The following ASB4 variants were observed in gnomAD, a reference collection of about 807,000 sequenced individuals.
ASB4 encodes ankyrin repeat and SOCS box containing 4, also known as ankyrin repeat and SOCS box protein 4.
ASB4 carries 35 observed loss-of-function variants against 38.6 expected under a neutral mutation model. That is an observed-to-expected ratio of 0.91 (90% confidence interval 0.69 to 1.20). The LOEUF is 1.20. Ranked by LOEUF, ASB4 falls within the 50% of genes most tolerant of loss-of-function variation. ASB4 has a pLI of 0.00. For missense variants in ASB4, 557 were observed against 527.2 expected (o/e 1.06, Z -0.55); for synonymous variants, 195 against 201.3 (o/e 0.97, Z 0.26).
intron 2 of ASB4, among the ~76,000 whole-genome samples, chr7:95,516,730 G>A (rs984508939): frequency 3.3e-5 from 5 of 152,206 alleles, no homozygotes; most frequent in African/African-American, 1.2e-4. Context: ...TTATAAAGCC[G>A]AGCTGTTTTC....
the ASB4 span, among the ~76,000 whole-genome samples, chr7:95,470,913 C>T: frequency 3.9e-5 from 6 of 152,254 alleles, no homozygotes; most frequent in East Asian, 3.9e-4. Context: ...AATAACTCTC[C>T]GGGTGGTTCC....
chr7:95,496,690 CA>C (rs1219915382), intron 2 of ASB4, among the ~76,000 whole-genome samples: 2 of 151,124 alleles, frequency 1.3e-5, no homozygotes, highest in South Asian at 2.1e-4. Flanking sequence ...CTACAAAAAG[CA>C]AAAAAAATTA....
At chr7:95,534,285 G>A (rs906634527) in intron 3 of ASB4, among the ~76,000 whole-genome samples, 4 of 151,854 alleles carry the variant, frequency 2.6e-5, no homozygotes, top group African/African-American at 9.7e-5. Flanking sequence ...GGAGGTTGCA[G>A]TGAGCTGAGA....
intron 3 of ASB4, among the ~76,000 whole-genome samples, chr7:95,532,819 T>C (rs1460449196): frequency 6.6e-6 from 1 of 152,154 alleles, no homozygotes; most frequent in Non-Finnish European, 1.5e-5. Flanking sequence ...AATAACTTTT[T>C]TGTCTAATTG....
At chr7:95,496,905 T>C (rs1218486906) in intron 2 of ASB4, among the ~76,000 whole-genome samples, 1 of 151,806 alleles carries the variant, frequency 6.6e-6, no homozygotes, top group African/African-American at 2.4e-5. Context: ...AGACAGCCAT[T>C]AAAAAAGAAC....
intron 3 of ASB4, 46 bp downstream of exon 3, chr7:95,528,349 G>T (rs1404905245): frequency 4.3e-6 from 7 of 1,610,538 alleles, no homozygotes; most frequent in Non-Finnish European, 5.9e-6. Context: ...GATTCAAATG[G>T]CAGCCTTGTC....
intron 2 of ASB4, among the ~76,000 whole-genome samples, chr7:95,518,632 G>A (rs1260129828): frequency 6.6e-6 from 1 of 152,312 alleles, no homozygotes; most frequent in African/African-American, 2.4e-5. Context: ...TAGATACCTA[G>A]ATAAGGGTAA....
rs1447166006 is a variant in ASB4, at chr7:95,538,929, T to G, written c.*1170T>G. 6.6e-6 allele frequency: 1 copy of G among 152,196 alleles called. No individual in the cohort carries two copies. The highest frequency in any genetic ancestry group is 2.4e-5 in the African/African-American group (1 of 41,446). The allele number at this position is 152,196 out of a possible 1,614,324, so 9.4% of individuals were successfully genotyped here. On this transcript the variant is annotated 3_prime_UTR_variant, in exon 5 of 5. Coordinates refer to ENST00000325885, the MANE Select transcript of ASB4 (RefSeq NM_016116.3). Reference sequence around the variant, plus strand: ...GGCTACGAAAAGTAAATAGAGAGACTTTTTGAAAATGGTAAAAGTTTGAGA... The same window carrying G: ...GGCTACGAAAAGTAAATAGAGAGACGTTTTGAAAATGGTAAAAGTTTGAGA...
chr7:95,509,333 C>T (rs1473184940), intron 2 of ASB4, among the ~76,000 whole-genome samples: 1 of 151,998 alleles, frequency 6.6e-6, no homozygotes, highest in Non-Finnish European at 1.5e-5. Context: ...AGCTATATAC[C>T]ACAGGCCAGA....
At chr7:95,542,409 GGTT>G (rs1790982808), downstream of ASB4, 1 of 151,946 alleles carries the variant, frequency 6.6e-6, no homozygotes, top group Non-Finnish European at 1.5e-5. Context: ...CCCCAAAAGT[GGTT>G]TTTTTTTTTG....
intron 2 of ASB4, among the ~76,000 whole-genome samples, chr7:95,523,384 G>A (rs1790689552): frequency 6.6e-6 from 1 of 152,086 alleles, no homozygotes; most frequent in South Asian, 2.1e-4. Flanking sequence ...AAAGCCGAAC[G>A]ATTTCACCTA....
At chr7:95,503,339 A>T (rs1345661843) in intron 2 of ASB4, among the ~76,000 whole-genome samples, 1 of 152,214 alleles carries the variant, frequency 6.6e-6, no homozygotes, top group Non-Finnish European at 1.5e-5. Context: ...CTGGAAACTA[A>T]AAGACTGTGA....
intron 2 of ASB4, among the ~76,000 whole-genome samples, chr7:95,522,434 T>C (rs1324571399): frequency 6.6e-6 from 1 of 152,202 alleles, no homozygotes; most frequent in Non-Finnish European, 1.5e-5. Context: ...AGGATAATCT[T>C]TCCTAAATAT....
chr7:95,519,445 A>G (rs918204454), intron 2 of ASB4, among the ~76,000 whole-genome samples: 5 of 152,242 alleles, frequency 3.3e-5, no homozygotes, highest in African/African-American at 1.2e-4. Context: ...AGCAGACACA[A>G]TTAATATTTT....
At chr7:95,530,555 T>C (rs187136949) in intron 3 of ASB4, among the ~76,000 whole-genome samples, 113 of 152,044 alleles carry the variant, frequency 7.4e-4, no homozygotes, top group Middle Eastern at 3.4e-3. Context: ...GAAAAGCAGG[T>C]GCAAGGGTCC....
chr7:95,501,743 T>A (rs996724135), intron 2 of ASB4, among the ~76,000 whole-genome samples: 2 of 152,184 alleles, frequency 1.3e-5, no homozygotes, highest in Non-Finnish European at 2.9e-5. Flanking sequence ...GGTACAGTTA[T>A]TCCCCATCTC....
intron 3 of ASB4, among the ~76,000 whole-genome samples, chr7:95,534,116 G>A (rs1190868516): frequency 6.6e-6 from 1 of 152,210 alleles, no homozygotes; most frequent in Middle Eastern, 3.4e-3. Context: ...ATGCCTAGGC[G>A]GGCGGATTAC....
upstream of ASB4, among the ~76,000 whole-genome samples, chr7:95,485,059 T>C (rs942812983): frequency 3.2e-5 from 4 of 124,752 alleles, no homozygotes; most frequent in Non-Finnish European, 6.5e-5. Context: ...TATATATGTA[T>C]ATATATGTAT....
chr7:95,473,983 G>A (rs527465543), upstream of ASB4: 17 of 152,272 alleles, frequency 1.1e-4, no homozygotes, highest in African/African-American at 4.1e-4. Flanking sequence ...TGAAAATAAA[G>A]CCATAAGTTA....
Sources: gnomAD v4.1 joint callset for allele counts (sites outside exome capture counted in the v4.1 genomes callset) on GRCh38, gnomAD v4.1.1 for gene constraint, MANE v1.5 for transcripts, NCBI Gene and HGNC (gene_info 2026-07-23, HGNC 2026-07-21) for gene names.